Variants in ADAMTSL1 observed in about 807,000 individuals in gnomAD.
ADAMTSL1 encodes the protein ADAMTS-like protein 1.
Under a neutral mutation model 201.8 loss-of-function variants are expected in ADAMTSL1, and 126 were observed. That is an observed-to-expected ratio of 0.62 (90% CI 0.54 to 0.72). The LOEUF (loss-of-function observed/expected upper bound fraction) is 0.72, where lower values mean the gene tolerates loss of function less well. ADAMTSL1 is among the 30% of genes least tolerant of loss of function. The pLI, the probability that ADAMTSL1 is intolerant of heterozygous loss-of-function variation, is 0.00. For missense variants in ADAMTSL1, 2,679 were observed against 2,277.8 expected, an observed-to-expected ratio of 1.18 and a Z score of -3.59; for synonymous variants, 1,121 against 903.4, an observed-to-expected ratio of 1.24 and a Z score of -4.32.
intron 15 of ADAMTSL1, among the ~76,000 whole-genome samples, chr9:18,731,401 TG>T (rs1818207351): frequency 6.6e-6 from 1 of 152,010 alleles, no homozygotes; most frequent in African/African-American, 2.4e-5. Flanking sequence ...GAGACTGAGG[TG>T]GGAGGATCAC....
chr9:18,833,981 G>A (rs568262352), intron 23 of ADAMTSL1, among the ~76,000 whole-genome samples: 4 of 152,014 alleles, frequency 2.6e-5, no homozygotes, highest in Non-Finnish European at 5.9e-5. Flanking sequence ...TCAGTTTATC[G>A]AAGATTAGAT....
intron 15 of ADAMTSL1, chr9:18,723,775 C>G (rs1199755480): frequency 6.6e-6 from 1 of 152,230 alleles, no homozygotes; most frequent in Non-Finnish European, 1.5e-5. Flanking sequence ...ATCCAAGAGT[C>G]AAAACAGATT....
intron 1 of ADAMTSL1, among the ~76,000 whole-genome samples, chr9:18,502,876 T>C (rs1359306649): frequency 2.0e-5 from 3 of 152,128 alleles, no homozygotes; most frequent in African/African-American, 7.2e-5. Flanking sequence ...GTACCTCCTG[T>C]AAACTTTCAG....
intron 23 of ADAMTSL1, among the ~76,000 whole-genome samples, chr9:18,866,098 T>C (rs1419175670): frequency 3.9e-5 from 2 of 51,642 alleles, no homozygotes; most frequent in East Asian, 5.2e-4. Flanking sequence ...CACAGAGAGA[T>C]TGCTTGCCTT....
chr9:18,312,064 G>T (rs893997894), intron 2 of ADAMTSL1, among the ~76,000 whole-genome samples: 1 of 152,214 alleles, frequency 6.6e-6, no homozygotes, highest in Non-Finnish European at 1.5e-5. Context: ...ATGAGAAAAT[G>T]TGCAGTATTC....
intron 2 of ADAMTSL1, among the ~76,000 whole-genome samples, chr9:18,286,872 C>G (rs1183446616): frequency 6.6e-6 from 1 of 152,128 alleles, no homozygotes; most frequent in Non-Finnish European, 1.5e-5. Flanking sequence ...CCTTCAATCT[C>G]CCTTAAATAA....
chr9:18,732,079 C>A (rs899875174), intron 15 of ADAMTSL1, among the ~76,000 whole-genome samples: 2 of 152,154 alleles, frequency 1.3e-5, no homozygotes, highest in African/African-American at 4.8e-5. Context: ...TAAGGATGAT[C>A]GCATATGTAA....
intron 2 of ADAMTSL1, among the ~76,000 whole-genome samples, chr9:18,528,124 T>A (rs1258869991): frequency 1.3e-5 from 2 of 152,160 alleles, no homozygotes; most frequent in East Asian, 3.9e-4. Context: ...ATGATCCACC[T>A]GTCTTGGCCG....
intron 4 of ADAMTSL1, among the ~76,000 whole-genome samples, chr9:18,587,050 C>T (rs967956215): frequency 2.0e-5 from 3 of 151,936 alleles, no homozygotes; most frequent in Non-Finnish European, 2.9e-5. Flanking sequence ...GCAAATATTT[C>T]GTGGCAAAGA....
intron 1 of ADAMTSL1, among the ~76,000 whole-genome samples, chr9:18,052,773 TGTGTTTTGTACTAGA>T (rs1297746619): frequency 6.6e-6 from 1 of 152,018 alleles, no homozygotes; most frequent in Non-Finnish European, 1.5e-5. Flanking sequence ...TTAACCCAGC[TGTGTTTTGTACTAGA>T]GTGGGGGTGG....
chr9:18,444,378 A>C (rs147302098), intron 2 of ADAMTSL1, among the ~76,000 whole-genome samples: 130 of 152,218 alleles, frequency 8.5e-4, no homozygotes, highest in Non-Finnish European at 1.5e-3. Context: ...AACTTGCCTA[A>C]GTTTGTTACT....
chr9:18,754,698 G>A (rs1819645744), intron 16 of ADAMTSL1, among the ~76,000 whole-genome samples: 1 of 152,168 alleles, frequency 6.6e-6, no homozygotes, highest in African/African-American at 2.4e-5. Flanking sequence ...CCATCTTGGA[G>A]CTGTGGTTTA....
intron 2 of ADAMTSL1, among the ~76,000 whole-genome samples, chr9:18,255,574 T>C (rs1831651053): frequency 6.6e-6 from 1 of 152,248 alleles, no homozygotes; most frequent in Non-Finnish European, 1.5e-5. Context: ...AATAGGCCTT[T>C]TACATTACAG....
At chr9:18,146,167 A>T (rs1826629930) in intron 1 of ADAMTSL1, among the ~76,000 whole-genome samples, 1 of 152,148 alleles carries the variant, frequency 6.6e-6, no homozygotes, top group Non-Finnish European at 1.5e-5. Flanking sequence ...ATTGTTTGGC[A>T]GTTTCTTAGA....
intron 2 of ADAMTSL1, among the ~76,000 whole-genome samples, chr9:18,343,918 A>G (rs12684724): frequency 1.3e-5 from 2 of 152,168 alleles, no homozygotes; most frequent in East Asian, 3.9e-4. Context: ...CAGGAAGCAG[A>G]GTTTATGATT....
At chr9:18,438,256 G>A (rs967030857) in intron 2 of ADAMTSL1, among the ~76,000 whole-genome samples, 2 of 151,862 alleles carry the variant, frequency 1.3e-5, no homozygotes, top group Non-Finnish European at 2.9e-5. Context: ...AATGATAAGA[G>A]AAATAGAGGG....
chr9:18,454,356 C>T (rs976015346), intron 2 of ADAMTSL1, among the ~76,000 whole-genome samples: 7 of 152,140 alleles, frequency 4.6e-5, no homozygotes, highest in Non-Finnish European at 8.8e-5. Flanking sequence ...GGACCCTAGC[C>T]GATTGGATGG....
At chr9:18,248,060 G>A (rs973632034) in intron 2 of ADAMTSL1, among the ~76,000 whole-genome samples, 2 of 152,118 alleles carry the variant, frequency 1.3e-5, no homozygotes, top group Admixed American at 1.3e-4. Flanking sequence ...TGTACTGGCT[G>A]GGTGTATTTT....
rs1825866445 is a variant in ADAMTSL1, at chr9:17,909,849, G to GA, written c.87+2928dup. On this transcript the variant is annotated intron_variant, in intron 1 of 29. Coordinates refer to the ADAMTSL1 transcript ENST00000680146. ...CCTGTTGTGGGGTGGGGGGACCGGG[G>GA]AGGGATAGCATTGGGAGATATACCT... Among the ~76,000 whole-genome samples the GA allele has an allele frequency of 3.0e-5, 2 of 67,520 alleles. 1 individual carries two copies. Among genetic ancestry groups the GA allele is most frequent in the South Asian group, 2.1e-3 (2 of 936 alleles). 44.3% of individuals were successfully genotyped at this position (67,520 alleles called of 152,430 possible). A position where few individuals can be genotyped will look rare whatever the true frequency, so the allele number is the denominator to read the frequency against.
Sources: allele counts gnomAD v4.1 joint callset (sites outside exome capture counted in the v4.1 genomes callset), GRCh38; gene constraint gnomAD v4.1.1; transcripts MANE v1.5; gene names NCBI Gene and HGNC (gene_info 2026-07-23, HGNC 2026-07-21).